The following DSCAM variants were observed in gnomAD, a reference collection of about 807,000 sequenced individuals.
DSCAM encodes cell adhesion molecule DSCAM.
A neutral mutation model predicts 217.7 loss-of-function variants in DSCAM; 47 were observed. The ratio of observed to expected loss-of-function variants is 0.22; its 90% CI spans 0.17 to 0.28. The LOEUF is 0.28. DSCAM is among the 10% of genes least tolerant of loss of function. The probability of loss-of-function intolerance (pLI) is 1.00; values close to 1 mark genes in which losing one functional copy is unlikely to be tolerated. For synonymous variants in DSCAM, 1,056 were observed against 1,015.3 expected (o/e 1.04, Z -0.76); for missense variants, 2,080 against 2,618.3 (o/e 0.79, Z 4.49).
chr21:40,038,092 A>C (rs1174845897), intron 32 of DSCAM, among the ~76,000 whole-genome samples: 2 of 151,908 alleles, frequency 1.3e-5, no homozygotes, highest in Non-Finnish European at 2.9e-5. Flanking sequence ...ATTACCATTC[A>C]GGACATAAGC....
chr21:40,488,022 G>T (rs1478139308), intron 3 of DSCAM, among the ~76,000 whole-genome samples: 3 of 152,234 alleles, frequency 2.0e-5, no homozygotes, highest in Non-Finnish European at 4.4e-5. Flanking sequence ...TGGTTCAGGA[G>T]ATCCAGAGAG....
At chr21:40,799,045 T>C (rs900122906) in intron 1 of DSCAM, among the ~76,000 whole-genome samples, 1 of 152,180 alleles carries the variant, frequency 6.6e-6, no homozygotes, top group Non-Finnish European at 1.5e-5. Flanking sequence ...AAGACATTTT[T>C]AGATATCCAC....
chr21:40,075,574 T>G (rs2089354776), intron 26 of DSCAM, among the ~76,000 whole-genome samples: 2 of 152,138 alleles, frequency 1.3e-5, no homozygotes, highest in Admixed American at 1.3e-4. Flanking sequence ...TGATAGAGAC[T>G]ATTCGAAAAA....
chr21:40,109,352 T>C (rs2089864864), intron 20 of DSCAM, among the ~76,000 whole-genome samples: 1 of 152,164 alleles, frequency 6.6e-6, no homozygotes. Flanking sequence ...GAATAGACAC[T>C]TTTCAAAAGA....
In DSCAM at chr21:40,747,273, G is replaced by A. The variant is rs142677473; in HGVS notation, c.44-38502C>T. On this transcript the variant is annotated intron_variant, in intron 1 of 32. Transcript: ENST00000400454. ...ATACAAAAGATCAAGAAAACAAGGA[G>A]GTATTTTTGTTTAAATAAAAAAAAA... Among the ~76,000 whole-genome samples, 596 of 109,944 alleles carry A rather than the reference G, an allele frequency of 5.4e-3. 5 individuals carry two copies. The highest frequency in any genetic ancestry group is 0.019 in the African/African-American group (542 of 28,130). 72.1% of individuals were successfully genotyped at this position (109,944 alleles called of 152,430 possible).
intron 9 of DSCAM, 114 bp downstream of exon 9, chr21:40,311,960 TAGTGAGA>T: frequency 3.1e-6 from 1 of 321,028 alleles, no homozygotes; most frequent in Non-Finnish European, 4.8e-6. Context: ...TTTTTTTTTT[TAGTGAGA>T]TAAAACTGAA....
intron 3 of DSCAM, among the ~76,000 whole-genome samples, chr21:40,650,120 CTTT>C (rs1031024521): frequency 6.6e-5 from 10 of 151,730 alleles, no homozygotes; most frequent in South Asian, 4.2e-4. Flanking sequence ...CTGACGGGGA[CTTT>C]TTTTTTCTTT....
In DSCAM at chr21:40,208,696, C is replaced by A. The variant is rs76632191; in HGVS notation, c.2357-19458G>T. Among the ~76,000 whole-genome samples the A allele has an allele frequency of 4.4e-3, 665 of 152,252 alleles. 8 individuals are homozygous for A. Among genetic ancestry groups the A allele is most frequent in the African/African-American group, 0.015 (643 of 41,544 alleles). ...ACATTTTGAGTATGACGAGAACATGCAGAAAGATCTCCTGACATAACTGTT... is the reference window on the plus strand; with the variant it reads ...ACATTTTGAGTATGACGAGAACATGAAGAAAGATCTCCTGACATAACTGTT... On this transcript the variant is annotated intron_variant, in intron 11 of 32. Transcript: ENST00000400454.
At chr21:40,073,284 G>C (rs77388869) in intron 27 of DSCAM, among the ~76,000 whole-genome samples, 3,681 of 152,214 alleles carry the variant, frequency 0.024, 166 homozygotes, top group African/African-American at 0.084. Flanking sequence ...GCATTACCTA[G>C]ATGCTTAACT....
chr21:40,423,448 A>T (rs2075443800), intron 3 of DSCAM, among the ~76,000 whole-genome samples: 1 of 152,230 alleles, frequency 6.6e-6, no homozygotes, highest in Non-Finnish European at 1.5e-5. Context: ...GGCACTGCGC[A>T]TGCGGGAAGC....
At chr21:40,301,994 G>A (rs541039159) in intron 9 of DSCAM, among the ~76,000 whole-genome samples, 33 of 152,286 alleles carry the variant, frequency 2.2e-4, no homozygotes, top group Admixed American at 1.7e-3. Flanking sequence ...GACTGTTGCC[G>A]TTTGGGCCAA....
At chr21:40,349,801 T>C (rs1383281638) in intron 5 of DSCAM, among the ~76,000 whole-genome samples, 1 of 152,144 alleles carries the variant, frequency 6.6e-6, no homozygotes, top group East Asian at 1.9e-4. Flanking sequence ...GAAAATCTGA[T>C]GAAAATCCTG....
intron 11 of DSCAM, among the ~76,000 whole-genome samples, chr21:40,239,172 G>A (rs1023147386): frequency 6.6e-6 from 1 of 152,108 alleles, no homozygotes; most frequent in Non-Finnish European, 1.5e-5. Flanking sequence ...GTTTCAGGAT[G>A]TCAAAACCTT....
chr21:40,302,314 T>G (rs906253501), intron 9 of DSCAM, among the ~76,000 whole-genome samples: 1 of 152,104 alleles, frequency 6.6e-6, no homozygotes, highest in Non-Finnish European at 1.5e-5. Flanking sequence ...CATGCTGTTC[T>G]CGTGATAGTG....
chr21:40,582,188 A>C (rs2076910757), intron 3 of DSCAM, among the ~76,000 whole-genome samples: 1 of 152,202 alleles, frequency 6.6e-6, no homozygotes, highest in Non-Finnish European at 1.5e-5. Context: ...TCCATAAATC[A>C]GTTCTTCTTC....
intron 11 of DSCAM, among the ~76,000 whole-genome samples, chr21:40,228,933 T>G (rs365191): frequency 1.3e-3 from 196 of 151,594 alleles, no homozygotes; most frequent in African/African-American, 4.6e-3. Context: ...TATTCCTGTA[T>G]GTATCCATTG....
chr21:40,143,582 G>C (rs975901937), intron 17 of DSCAM, among the ~76,000 whole-genome samples: 3 of 152,184 alleles, frequency 2.0e-5, no homozygotes, highest in Non-Finnish European at 2.9e-5. Context: ...ACGAGGTCAG[G>C]AGATCGAGAC....
chr21:40,698,626 T>C (rs1475354537), intron 2 of DSCAM, among the ~76,000 whole-genome samples: 1 of 152,118 alleles, frequency 6.6e-6, no homozygotes, highest in Non-Finnish European at 1.5e-5. Flanking sequence ...TCCCAGCACT[T>C]TGTGAGGCCG....
chr21:40,814,030 G>A (rs938024970), intron 1 of DSCAM, among the ~76,000 whole-genome samples: 3 of 152,250 alleles, frequency 2.0e-5, no homozygotes, highest in Non-Finnish European at 2.9e-5. Flanking sequence ...TTGGTCTCTT[G>A]CAGTTTTCCA....
Sources: allele counts gnomAD v4.1 joint callset (sites outside exome capture counted in the v4.1 genomes callset), GRCh38; gene constraint gnomAD v4.1.1; transcripts MANE v1.5; gene names NCBI Gene and HGNC (gene_info 2026-07-23, HGNC 2026-07-21).